Variants in ZFHX4 observed in about 807,000 individuals in gnomAD.
The protein encoded by ZFHX4 is zinc finger homeobox 4.
In ZFHX4, 56 loss-of-function variants were observed where a neutral mutation model predicts 267.6. The ratio of observed to expected loss-of-function variants is 0.21; its 90% CI spans 0.17 to 0.26. The LOEUF is 0.26. Among genes scored for constraint, ZFHX4 ranks in the 10% least tolerant of loss-of-function variants. The pLI, the probability that ZFHX4 is intolerant of heterozygous loss-of-function variation, is 1.00. For missense variants in ZFHX4, 4,332 were observed against 4,420.0 expected, an observed-to-expected ratio of 0.98 and a Z score of 0.56; for synonymous variants, 1,778 against 1,665.6, an observed-to-expected ratio of 1.07 and a Z score of -1.64.
intron 4 of ZFHX4, among the ~76,000 whole-genome samples, chr8:76,793,380 C>A (rs1344584839): frequency 6.6e-6 from 1 of 152,078 alleles, no homozygotes; most frequent in Non-Finnish European, 1.5e-5. Flanking sequence ...AATTTTTAAG[C>A]AGATTTTTCA....
intron 4 of ZFHX4, among the ~76,000 whole-genome samples, chr8:76,814,394 T>C (rs1158605924): frequency 6.6e-6 from 1 of 152,164 alleles, no homozygotes; most frequent in Non-Finnish European, 1.5e-5. Context: ...TTATGTAACA[T>C]CCACAAAATA....
At chr8:76,835,245 A>ATATATGTATATATATATATG (rs1195708125) in intron 5 of ZFHX4, among the ~76,000 whole-genome samples, 10 of 129,152 alleles carry the variant, frequency 7.7e-5, no homozygotes, top group African/African-American at 2.1e-4. Context: ...ATATATGTAT[A>ATATATGTATATATATATATG]TATATATATA....
intron 4 of ZFHX4, among the ~76,000 whole-genome samples, chr8:76,793,273 A>T (rs527982991): frequency 1.3e-5 from 2 of 152,276 alleles, no homozygotes; most frequent in South Asian, 4.1e-4. Context: ...AAAGAGTACT[A>T]TTAGAGGTGG....
At chr8:76,857,198 T>C (rs1403883956) in intron 10 of ZFHX4, among the ~76,000 whole-genome samples, 1 of 152,046 alleles carries the variant, frequency 6.6e-6, no homozygotes, top group Non-Finnish European at 1.5e-5. Flanking sequence ...GCCAATCATG[T>C]AGCCAAAAAT....
At chr8:76,713,943 CACA>C (rs960823123) in intron 3 of ZFHX4, among the ~76,000 whole-genome samples, 8 of 151,964 alleles carry the variant, frequency 5.3e-5, no homozygotes, top group Non-Finnish European at 7.4e-5. Flanking sequence ...CCACCACCAC[CACA>C]ACAACAACAC....
At chr8:76,729,198 C>T (rs181077849) in intron 3 of ZFHX4, among the ~76,000 whole-genome samples, 3 of 152,134 alleles carry the variant, frequency 2.0e-5, no homozygotes, top group Admixed American at 2.0e-4. Flanking sequence ...TATTCCCCAC[C>T]CTATAGATCT....
chr8:76,857,474 CA>C (rs1445655162), intron 10 of ZFHX4, among the ~76,000 whole-genome samples: 1 of 151,100 alleles, frequency 6.6e-6, no homozygotes, highest in Admixed American at 6.6e-5. Flanking sequence ...GATTTTCTTA[CA>C]AAAAAACAAA....
chr8:76,706,795 G>A, intron 2 of ZFHX4, 117 bp downstream of exon 2: 2 of 1,157,926 alleles, frequency 1.7e-6, no homozygotes, highest in South Asian at 1.8e-5. Flanking sequence ...TACTAGAAAG[G>A]ACTTTCTCTT....
chr8:76,830,628 C>A (rs1585988370), intron 4 of ZFHX4, among the ~76,000 whole-genome samples: 2 of 152,082 alleles, frequency 1.3e-5, no homozygotes, highest in African/African-American at 2.4e-5. Context: ...TATTGAGGAT[C>A]TAAACATTCT....
chr8:76,766,421 A>G (rs1321947016), intron 3 of ZFHX4, among the ~76,000 whole-genome samples: 1 of 152,196 alleles, frequency 6.6e-6, no homozygotes, highest in Non-Finnish European at 1.5e-5. Flanking sequence ...GATCTGTTCC[A>G]TGACACAAAA....
intron 5 of ZFHX4, among the ~76,000 whole-genome samples, chr8:76,840,310 T>G (rs1812202397): frequency 6.6e-6 from 1 of 152,154 alleles, no homozygotes; most frequent in Non-Finnish European, 1.5e-5. Flanking sequence ...CTGTTTGCGA[T>G]TAAGTTGATG....
chr8:76,737,821 C>G (rs1809205416), intron 3 of ZFHX4, among the ~76,000 whole-genome samples: 1 of 151,978 alleles, frequency 6.6e-6, no homozygotes, highest in Non-Finnish European at 1.5e-5. Context: ...TTATATTCAC[C>G]ATGAATTTGT....
intron 3 of ZFHX4, among the ~76,000 whole-genome samples, chr8:76,708,636 G>T (rs1010791484): frequency 2.0e-5 from 3 of 152,110 alleles, no homozygotes; most frequent in African/African-American, 7.2e-5. Flanking sequence ...CCTCCTAAAT[G>T]GGTGTGGTAT....
At chr8:76,839,844 C>G (rs1296239545) in intron 5 of ZFHX4, among the ~76,000 whole-genome samples, 1 of 152,052 alleles carries the variant, frequency 6.6e-6, no homozygotes, top group Non-Finnish European at 1.5e-5. Context: ...AGAACGTAGC[C>G]ACTCCTTCCC....
chr8:76,719,197 GGAGA>G (rs138503538), intron 3 of ZFHX4, among the ~76,000 whole-genome samples: 11 of 147,506 alleles, frequency 7.5e-5, no homozygotes, highest in Admixed American at 1.4e-4. Context: ...TAAGAGAGAG[GGAGA>G]GAGAGAGAAG....
At chr8:76,694,039 C>T (rs1247843929) in intron 1 of ZFHX4, among the ~76,000 whole-genome samples, 1 of 152,198 alleles carries the variant, frequency 6.6e-6, no homozygotes, top group African/African-American at 2.4e-5. Flanking sequence ...AAAGCCTGAC[C>T]TCTTTTCTAG....
At chr8:76,697,130 C>T (rs1053817092) in intron 1 of ZFHX4, among the ~76,000 whole-genome samples, 2 of 151,742 alleles carry the variant, frequency 1.3e-5, no homozygotes, top group Non-Finnish European at 2.9e-5. Context: ...ATATTGGTAG[C>T]AATTGTGAAA....
At chr8:76,709,295 T>A (rs1364174216) in intron 3 of ZFHX4, among the ~76,000 whole-genome samples, 2 of 152,192 alleles carry the variant, frequency 1.3e-5, no homozygotes, top group African/African-American at 4.8e-5. Flanking sequence ...ATATTGGCAC[T>A]CTGTGGATCA....
chr8:76,847,628 TC>T (rs767529785), intron 6 of ZFHX4, among the ~76,000 whole-genome samples: 10 of 152,164 alleles, frequency 6.6e-5, no homozygotes, highest in Non-Finnish European at 1.2e-4. Flanking sequence ...TTAATTTTGA[TC>T]TGCATGGAAT....
Sources: gnomAD v4.1 joint callset for allele counts (sites outside exome capture counted in the v4.1 genomes callset) on GRCh38, gnomAD v4.1.1 for gene constraint, MANE v1.5 for transcripts, NCBI Gene and HGNC (gene_info 2026-07-23, HGNC 2026-07-21) for gene names.